The following USP6NL variants were observed in gnomAD, a reference collection of about 807,000 sequenced individuals.
The protein encoded by USP6NL is USP6 N-terminal like, also known as USP6 N-terminal-like protein.
USP6NL carries 26 observed loss-of-function variants against 61.9 expected under a neutral mutation model. The ratio of observed to expected loss-of-function variants is 0.42; its 90% CI spans 0.31 to 0.58. USP6NL has a LOEUF of 0.58. USP6NL is among the 20% of genes least tolerant of loss of function. The pLI is 0.16. For synonymous variants in USP6NL, 432 were observed against 390.1 expected, an observed-to-expected ratio of 1.11 and a Z score of -1.27; for missense variants, 1,114 against 1,034.3, an observed-to-expected ratio of 1.08 and a Z score of -1.06.
At chr10:11,503,973 A>C (rs1834324747) in intron 6 of USP6NL, among the ~76,000 whole-genome samples, 1 of 152,192 alleles carries the variant, frequency 6.6e-6, no homozygotes, top group Admixed American at 6.5e-5. Flanking sequence ...CGAACAGGAA[A>C]GTATCAAGAA....
chr10:11,555,433 A>AAAATATATATATAT (rs1275798295), intron 2 of USP6NL, among the ~76,000 whole-genome samples: 5 of 49,028 alleles, frequency 1.0e-4, no homozygotes, highest in Admixed American at 3.0e-4. Flanking sequence ...AAAAAAAAAA[A>AAAATATATATATAT]ATATATATAT....
At chr10:11,547,247 GTTGGAGTGTT>G (rs1489019308) in intron 2 of USP6NL, among the ~76,000 whole-genome samples, 1 of 152,208 alleles carries the variant, frequency 6.6e-6, no homozygotes, top group Non-Finnish European at 1.5e-5. Flanking sequence ...TTTGGAGCAG[GTTGGAGTGTT>G]CTAAGCATAT....
In USP6NL at chr10:11,591,298, T is replaced by C. The variant is rs1282816746; in HGVS notation, c.4+6333A>G. On this transcript the variant is annotated intron_variant, in intron 2 of 14. Transcript: ENST00000609104. The surrounding 1 kb of genome is among the most constrained non-coding windows in gnomAD (Gnocchi z 4.7). Reference sequence around the variant, plus strand: ...GTCATTTGGAGCACACTGGTTTGTGTTGTACTAAAAAAATTTCATTAAAGT... The same window carrying C: ...GTCATTTGGAGCACACTGGTTTGTGCTGTACTAAAAAAATTTCATTAAAGT... 3.3e-5 allele frequency among the ~76,000 whole-genome samples: 5 copies of C among 152,178 alleles called. No homozygotes were observed. The highest frequency in any genetic ancestry group is 7.4e-5 in the Non-Finnish European group (5 of 68,026).
At chr10:11,590,826 A>T (rs1838138708) in intron 2 of USP6NL, among the ~76,000 whole-genome samples, 1 of 152,156 alleles carries the variant, frequency 6.6e-6, no homozygotes. Context: ...CTGCATTTGG[A>T]ATCATGGTAC....
rs909833343 is a variant in USP6NL, at chr10:11,602,687, G to A, written c.-83-4970C>T. Among the ~76,000 whole-genome samples, 3 of 152,164 alleles carry A rather than the reference G, an allele frequency of 2.0e-5. No individual in the cohort carries two copies. Among genetic ancestry groups the A allele is most frequent in the African/African-American group, 4.8e-5 (2 of 41,432 alleles). Reference sequence around the variant, plus strand: ...AATCAGACACGTTTTGAGCACTGACGTGACACTCAAAGGAAACGCTCATTA... The same window carrying A: ...AATCAGACACGTTTTGAGCACTGACATGACACTCAAAGGAAACGCTCATTA... On this transcript the variant is annotated intron_variant, in intron 1 of 14. Transcript: ENST00000609104. This position sits in a 1 kb window ranked among gnomAD's most constrained non-coding sequence, Gnocchi z 4.8.
chr10:11,589,901 A>C lies in USP6NL; in HGVS notation c.4+7730T>G, dbSNP rs1838105629. ...CGCTCCAGGGTACCAAGGCAATGCC[A>C]GGGGAAGTCAGTTTCTAAATTCAGA... is the stretch of plus-strand genomic sequence containing the variant. On this transcript the variant is annotated intron_variant, in intron 2 of 14. Transcript: ENST00000609104. This position sits in a 1 kb window ranked among gnomAD's most constrained non-coding sequence, Gnocchi z 4.7. Among the ~76,000 whole-genome samples, 1 of 152,332 alleles carries C rather than the reference A, an allele frequency of 6.6e-6. No homozygotes were observed. The highest frequency in any genetic ancestry group is 1.5e-5 in the Non-Finnish European group (1 of 68,028).
In USP6NL at chr10:11,592,543, T is replaced by C. The variant is rs868481104; in HGVS notation, c.4+5088A>G. 6.6e-6 allele frequency among the ~76,000 whole-genome samples: 1 copy of C among 152,194 alleles called. No individual in the cohort carries two copies. The highest frequency in any genetic ancestry group is 6.5e-5 in the Admixed American group (1 of 15,276). ...TCTAAATTTATCAAACATAAATGAG[T>C]CTTAATATAACAAAAGGATACCTGT... On this transcript the variant is annotated intron_variant, in intron 2 of 14. Coordinates refer to ENST00000609104, the MANE Select transcript of USP6NL (RefSeq NM_014688.5). This position sits in a 1 kb window ranked among gnomAD's most constrained non-coding sequence, Gnocchi z 4.7.
chr10:11,574,292 C>T lies in USP6NL; in HGVS notation c.4+23339G>A, dbSNP rs1837465787. The stretch of plus-strand genomic sequence containing the variant: ...GTGCCTCAAAAATATCCTATAAATT[C>T]CTTGTCCTCCTCCTCACATATACAC... On this transcript the variant is annotated intron_variant, in intron 2 of 14. Coordinates refer to ENST00000609104, the MANE Select transcript of USP6NL (RefSeq NM_014688.5). The surrounding 1 kb of genome is among the most constrained non-coding windows in gnomAD (Gnocchi z 4.3). 6.6e-6 allele frequency among the ~76,000 whole-genome samples: 1 copy of T among 152,146 alleles called. No individual in the cohort carries two copies. The highest frequency in any genetic ancestry group is 6.5e-5 in the Admixed American group (1 of 15,284).
chr10:11,484,919 T>G (rs1014234166), intron 13 of USP6NL, 52 bp downstream of exon 13: 127 of 1,399,990 alleles, frequency 9.1e-5, no homozygotes, highest in Non-Finnish European at 1.2e-4. Context: ...AAATCAAGGT[T>G]AAATAAGCCT....
rs1006299221 is a variant in USP6NL, at chr10:11,501,399, C to T, written c.277-191G>A. 9.9e-5 allele frequency among the ~76,000 whole-genome samples: 15 copies of T among 152,040 alleles called. No individual in the cohort carries two copies. Among genetic ancestry groups the T allele is most frequent in the African/African-American group, 3.6e-4 (15 of 41,382 alleles). On this transcript the variant is annotated intron_variant, in intron 6 of 14. Transcript: ENST00000609104. ...TAAGATTCTAACAGGGAGATACAGA[C>T]AAAGAAGGAGAGAGTATAACAAGAA...
At chr10:11,531,725 AT>A (rs533313805) in intron 2 of USP6NL, among the ~76,000 whole-genome samples, 5 of 151,864 alleles carry the variant, frequency 3.3e-5, no homozygotes, top group East Asian at 3.9e-4. Flanking sequence ...TATTTTTATG[AT>A]TTTTTTTATC....
rs1158312612 is a variant in USP6NL, at chr10:11,600,178, A to G, written c.-83-2461T>C. Among the ~76,000 whole-genome samples, 1 of 152,152 alleles carries G rather than the reference A, an allele frequency of 6.6e-6. No homozygotes were observed. Among genetic ancestry groups the G allele is most frequent in the Non-Finnish European group, 1.5e-5 (1 of 68,030 alleles). Reference sequence around the variant, plus strand: ...TCTTAAACCCATAATTTCACATCAAATTATATTGGGATATTTCTGCAAAAA... The same window carrying G: ...TCTTAAACCCATAATTTCACATCAAGTTATATTGGGATATTTCTGCAAAAA... On this transcript the variant is annotated intron_variant, in intron 1 of 14. Coordinates refer to ENST00000609104, the MANE Select transcript of USP6NL (RefSeq NM_014688.5). This position sits in a 1 kb window ranked among gnomAD's most constrained non-coding sequence, Gnocchi z 4.1.
chr10:11,473,551 G>C (rs374865317), intron 14 of USP6NL, among the ~76,000 whole-genome samples: 1 of 152,164 alleles, frequency 6.6e-6, no homozygotes, highest in Non-Finnish European at 1.5e-5. Context: ...CTTGGAGGAG[G>C]AGCGTATTCC....
chr10:11,587,661 AATTCG>A lies in USP6NL; in HGVS notation c.4+9965_4+9969del, dbSNP rs1300163286. Reference sequence around the variant, plus strand: ...TATAGCTGTTTTATTATTATAAAATAATTCGATTCAATACTGCTATACTTTATACC... The same window carrying A: ...TATAGCTGTTTTATTATTATAAAATAATTCAATACTGCTATACTTTATACC... On this transcript the variant is annotated intron_variant, in intron 2 of 14. Coordinates refer to ENST00000609104, the MANE Select transcript of USP6NL (RefSeq NM_014688.5). This position sits in a 1 kb window ranked among gnomAD's most constrained non-coding sequence, Gnocchi z 4.5. Among the ~76,000 whole-genome samples the A allele has an allele frequency of 3.9e-5, 6 of 152,196 alleles. No individual in the cohort carries two copies. Among genetic ancestry groups the A allele is most frequent in the East Asian group, 1.9e-4 (1 of 5,198 alleles).
chr10:11,535,587 A>C (rs1251213744), intron 2 of USP6NL, among the ~76,000 whole-genome samples: 3 of 152,188 alleles, frequency 2.0e-5, no homozygotes, highest in African/African-American at 7.2e-5. Flanking sequence ...TTTAGCCCAA[A>C]AGAGACTGAA....
Position 11,510,125 on chromosome 10 carries a change from G to A in USP6NL, c.196-450C>T, listed in dbSNP as rs1429439698. On this transcript the variant is annotated intron_variant, in intron 5 of 14. Coordinates refer to ENST00000609104, the MANE Select transcript of USP6NL (RefSeq NM_014688.5). The surrounding 1 kb of genome is among the most constrained non-coding windows in gnomAD (Gnocchi z 4.8). The stretch of plus-strand genomic sequence containing the variant: ...TTATTTATTTAATGGAAAGATTAAT[G>A]TGTAAGTAGCCTTATGCTAGAGGGA... Among the ~76,000 whole-genome samples the A allele has an allele frequency of 6.6e-6, 1 of 152,158 alleles. No homozygotes were observed. The highest frequency in any genetic ancestry group is 1.9e-4 in the East Asian group (1 of 5,198).
chr10:11,477,021 G>A (rs997539830), intron 14 of USP6NL, among the ~76,000 whole-genome samples: 1 of 152,156 alleles, frequency 6.6e-6, no homozygotes, highest in African/African-American at 2.4e-5. Context: ...ACAGGCACCT[G>A]CCACCACGCC....
At chr10:11,539,612 C>T (rs1010644846) in intron 2 of USP6NL, among the ~76,000 whole-genome samples, 1 of 152,214 alleles carries the variant, frequency 6.6e-6, no homozygotes, top group Admixed American at 6.5e-5. Context: ...AAATTGCCAA[C>T]AACAGATATT....
At chr10:11,606,898 G>A (rs1838721935) in intron 1 of USP6NL, among the ~76,000 whole-genome samples, 1 of 151,066 alleles carries the variant, frequency 6.6e-6, no homozygotes, top group Non-Finnish European at 1.5e-5. Flanking sequence ...TCAAGTGATT[G>A]TTGTGCCTCA....
Sources: gnomAD v4.1 joint callset for allele counts (sites outside exome capture counted in the v4.1 genomes callset) on GRCh38, gnomAD v4.1.1 for gene constraint, Gnocchi (gnomAD v3.1) non-coding constraint, MANE v1.5 for transcripts, NCBI Gene and HGNC (gene_info 2026-07-23, HGNC 2026-07-21) for gene names.